Variants in BICD1 observed in about 807,000 individuals in gnomAD.
BICD1 encodes the protein protein bicaudal D homolog 1.
BICD1 carries 35 observed loss-of-function variants against 92.5 expected under a neutral mutation model. The ratio of observed to expected loss-of-function variants is 0.38; its 90% CI spans 0.29 to 0.50. The LOEUF (loss-of-function observed/expected upper bound fraction) is 0.50. BICD1 is among the 20% of genes least tolerant of loss of function. The pLI is 0.93. For synonymous variants in BICD1, 429 were observed against 465.1 expected (o/e 0.92, Z 1.00); for missense variants, 950 against 1,189.8 (o/e 0.80, Z 2.97).
At chr12:32,371,802 G>A (rs1283534360) in intron 9 of BICD1, among the ~76,000 whole-genome samples, 2 of 152,096 alleles carry the variant, frequency 1.3e-5, no homozygotes, top group South Asian at 2.1e-4. Context: ...TGGCCAGGCT[G>A]CCCTTGAACT....
intron 1 of BICD1, among the ~76,000 whole-genome samples, chr12:32,152,392 G>A (rs1345790244): frequency 2.0e-5 from 3 of 152,052 alleles, no homozygotes; most frequent in South Asian, 2.1e-4. Context: ...AGGGCTACAG[G>A]TGCATGCCAC....
chr12:32,201,244 G>T (rs1427809181), intron 1 of BICD1, among the ~76,000 whole-genome samples: 2 of 152,140 alleles, frequency 1.3e-5, no homozygotes, highest in African/African-American at 4.8e-5. Flanking sequence ...CTCTGATCTA[G>T]GAGGATTGTA....
At chr12:32,155,951 A>G (rs143914399) in intron 1 of BICD1, among the ~76,000 whole-genome samples, 1 of 152,326 alleles carries the variant, frequency 6.6e-6, no homozygotes, top group African/African-American at 2.4e-5. Context: ...GCAGACCAGC[A>G]CATACTTCTG....
intron 3 of BICD1, among the ~76,000 whole-genome samples, chr12:32,304,480 A>T (rs922113439): frequency 2.0e-5 from 3 of 152,208 alleles, no homozygotes; most frequent in African/African-American, 7.2e-5. Context: ...CCATGAAGGA[A>T]CACTGAAGCA....
intron 2 of BICD1, among the ~76,000 whole-genome samples, chr12:32,244,679 A>G (rs988128186): frequency 6.9e-6 from 1 of 144,430 alleles, no homozygotes; most frequent in Non-Finnish European, 1.5e-5. Context: ...GCCAGGCTGG[A>G]GTGCAGTGGC....
intron 1 of BICD1, among the ~76,000 whole-genome samples, chr12:32,148,827 C>G (rs964029419): frequency 2.0e-5 from 3 of 152,074 alleles, no homozygotes; most frequent in Non-Finnish European, 2.9e-5. Context: ...TCAGACCAGC[C>G]TAGGCAACAT....
At chr12:32,116,886 A>ATT (rs201316554) in intron 1 of BICD1, among the ~76,000 whole-genome samples, 1 of 148,716 alleles carries the variant, frequency 6.7e-6, no homozygotes, top group Non-Finnish European at 1.5e-5. Context: ...GGCCTTCTAC[A>ATT]TTTTTTTTTT....
At chr12:32,290,468 G>A (rs1299108468) in intron 2 of BICD1, among the ~76,000 whole-genome samples, 1 of 152,172 alleles carries the variant, frequency 6.6e-6, no homozygotes, top group Non-Finnish European at 1.5e-5. Context: ...TCAGACTGCA[G>A]TTCATGACTG....
intron 4 of BICD1, among the ~76,000 whole-genome samples, chr12:32,308,008 CACA>C (rs1435145113): frequency 2.0e-5 from 3 of 152,152 alleles, no homozygotes; most frequent in South Asian, 2.1e-4. Context: ...CATGAAACAG[CACA>C]ACAATTTTCA....
chr12:32,348,243 T>C (rs925086770), intron 8 of BICD1, among the ~76,000 whole-genome samples: 6 of 152,222 alleles, frequency 3.9e-5, no homozygotes, highest in Non-Finnish European at 7.3e-5. Flanking sequence ...GATGAAACTT[T>C]TTAATTACTG....
intron 1 of BICD1, among the ~76,000 whole-genome samples, chr12:32,150,080 A>G (rs1453536230): frequency 2.6e-5 from 4 of 152,164 alleles, no homozygotes; most frequent in Non-Finnish European, 4.4e-5. Flanking sequence ...TTATAAAACC[A>G]TCAGATCTCA....
In BICD1 at chr12:32,344,710, G is replaced by A. The variant is rs569923834; in HGVS notation, c.2764+5731G>A. 3.3e-5 allele frequency among the ~76,000 whole-genome samples: 5 copies of A among 152,284 alleles called. No individual in the cohort carries two copies. The South Asian group carries it at 6.2e-4, about 19-fold the overall frequency. On this transcript the variant is annotated intron_variant, in intron 8 of 9. Transcript: ENST00000652176. ...ATGTTCTGTATGTGGAAGGAGATCAGTCAATCTTGAACTCATGGCCTCAGT... is the reference window on the plus strand; with the variant it reads ...ATGTTCTGTATGTGGAAGGAGATCAATCAATCTTGAACTCATGGCCTCAGT...
chr12:32,327,414 T>C (rs752653759), intron 4 of BICD1, 47 bp from the exon 5 acceptor site: 10 of 1,541,550 alleles, frequency 6.5e-6, no homozygotes, highest in Admixed American at 5.9e-5. Context: ...AAGTTCATCA[T>C]TGGTGCTGCC....
chr12:32,373,451 G>A (rs1390303011), intron 9 of BICD1, among the ~76,000 whole-genome samples: 1 of 152,082 alleles, frequency 6.6e-6, no homozygotes, highest in East Asian at 1.9e-4. Context: ...CTAAAGGAAT[G>A]AAAAAAATTT....
chr12:32,242,512 G>A (rs1035847672), intron 2 of BICD1, among the ~76,000 whole-genome samples: 17 of 151,490 alleles, frequency 1.1e-4, no homozygotes, highest in Non-Finnish European at 5.9e-5. Context: ...GGCCGACAGA[G>A]CGAGACTCTG....
At chr12:32,268,673 G>A (rs764684955) in intron 2 of BICD1, among the ~76,000 whole-genome samples, 3 of 152,160 alleles carry the variant, frequency 2.0e-5, no homozygotes, top group Non-Finnish European at 4.4e-5. Flanking sequence ...GTGAGTGCCT[G>A]TAATCCCAGC....
intron 8 of BICD1, chr12:32,352,480 G>A (rs1406677858): frequency 2.0e-4 from 23 of 113,040 alleles, no homozygotes; most frequent in Admixed American, 1.0e-4. Flanking sequence ...GTAAGATGCC[G>A]TCTCAAAAAA....
intron 5 of BICD1, among the ~76,000 whole-genome samples, chr12:32,329,818 T>C (rs1937760165): frequency 1.3e-5 from 2 of 152,204 alleles, no homozygotes; most frequent in Admixed American, 1.3e-4. Flanking sequence ...ACCCTGAGTT[T>C]TACCTTGGTG....
At position 32,378,745 on chromosome 12, in the gene BICD1, G is replaced by C. The variant is rs542907767; in HGVS notation, c.*1118G>C. On this transcript the variant is annotated 3_prime_UTR_variant, in exon 10 of 10. Transcript: ENST00000652176. ...TGTTGTTGTTAGTTTTTTTCATAACGAATCTTCCTTGCCAAAAAAACAATA... is the reference window on the plus strand; with the variant it reads ...TGTTGTTGTTAGTTTTTTTCATAACCAATCTTCCTTGCCAAAAAAACAATA... 6.6e-6 allele frequency: 1 copy of C among 152,026 alleles called. No individual in the cohort carries two copies. The highest frequency in any genetic ancestry group is 2.1e-4 in the South Asian group (1 of 4,814). 9.4% of individuals were successfully genotyped at this position (152,026 alleles called of 1,614,324 possible).
Sources: gnomAD v4.1 joint callset for allele counts (sites outside exome capture counted in the v4.1 genomes callset) on GRCh38, gnomAD v4.1.1 for gene constraint, MANE v1.5 for transcripts, NCBI Gene and HGNC (gene_info 2026-07-23, HGNC 2026-07-21) for gene names.